The following FHIT variants were observed in gnomAD, a reference collection of about 807,000 sequenced individuals.
The protein encoded by FHIT is bis(5'-adenosyl)-triphosphatase.
Under a neutral mutation model 17.9 loss-of-function variants are expected in FHIT, and 19 were observed. The ratio of observed to expected loss-of-function variants is 1.06; its 90% confidence interval spans 0.74 to 1.56. The LOEUF (loss-of-function observed/expected upper bound fraction) is 1.56, where lower values mean the gene tolerates loss of function less well. Ranked by LOEUF, FHIT falls within the 40% of genes most tolerant of loss-of-function variation. The probability of loss-of-function intolerance (pLI) is 0.00; values close to 1 mark genes in which losing one functional copy is unlikely to be tolerated. For missense variants in FHIT, 248 were observed against 189.2 expected, an observed-to-expected ratio of 1.31 and a Z score of -1.82; for synonymous variants, 81 against 69.7, an observed-to-expected ratio of 1.16 and a Z score of -0.81.
intron 4 of FHIT, among the ~76,000 whole-genome samples, chr3:60,711,380 A>G (rs1405629745): frequency 6.6e-6 from 1 of 152,232 alleles, no homozygotes; most frequent in Non-Finnish European, 1.5e-5. Context: ...CTCCTCCTCC[A>G]AAGGAACGCA....
chr3:59,952,231 T>G (rs1273231939), intron 7 of FHIT, among the ~76,000 whole-genome samples: 1 of 152,206 alleles, frequency 6.6e-6, no homozygotes, highest in Non-Finnish European at 1.5e-5. Context: ...AAATCTGACA[T>G]TATGTAACAC....
chr3:61,213,769 G>C lies in FHIT; in HGVS notation c.-212-13104C>G, dbSNP rs532115207. ...ACATAGTTGGAAGTAAAGCTCTCCT[G>C]AGCAAATGTAAAAGAACAGAAATTA... On this transcript the variant is annotated intron_variant, in intron 1 of 9. Transcript: ENST00000492590. 9.4e-3 allele frequency among the ~76,000 whole-genome samples: 1,425 copies of C among 152,092 alleles called. 14 individuals carry two copies. Among genetic ancestry groups the C allele is most frequent in the Admixed American group, 0.014 (210 of 15,262 alleles).
intron 4 of FHIT, among the ~76,000 whole-genome samples, chr3:60,549,263 A>G (rs911355254): frequency 2.0e-5 from 3 of 152,162 alleles, no homozygotes; most frequent in Non-Finnish European, 4.4e-5. Flanking sequence ...GGTGACTACT[A>G]TCTCTCCATA....
At chr3:60,281,415 C>T (rs542178232) in intron 5 of FHIT, among the ~76,000 whole-genome samples, 19 of 152,054 alleles carry the variant, frequency 1.2e-4, no homozygotes, top group Non-Finnish European at 2.6e-4. Flanking sequence ...AGGAGTGATA[C>T]TACTCAACTT....
chr3:60,852,186 T>G (rs1317710620), intron 3 of FHIT, among the ~76,000 whole-genome samples: 1 of 152,142 alleles, frequency 6.6e-6, no homozygotes, highest in African/African-American at 2.4e-5. Context: ...CCTGATAGTC[T>G]TCAGCTGGGA....
intron 2 of FHIT, among the ~76,000 whole-genome samples, chr3:61,090,451 T>C (rs1221652537): frequency 1.3e-5 from 2 of 152,228 alleles, no homozygotes; most frequent in Non-Finnish European, 2.9e-5. Flanking sequence ...TGAAATGATA[T>C]AGAATTTGAA....
At chr3:60,445,484 A>G (rs541650921) in intron 5 of FHIT, among the ~76,000 whole-genome samples, 55 of 152,170 alleles carry the variant, frequency 3.6e-4, no homozygotes, top group Non-Finnish European at 6.3e-4. Flanking sequence ...AGAAGAAGAA[A>G]AAAAAAAGAA....
intron 4 of FHIT, among the ~76,000 whole-genome samples, chr3:60,780,330 T>G (rs1479342963): frequency 1.3e-5 from 2 of 152,130 alleles, no homozygotes; most frequent in African/African-American, 4.8e-5. Context: ...TAGAAAGAGT[T>G]GGTTTCCCAA....
chr3:60,295,426 G>T (rs1038658717), intron 5 of FHIT, among the ~76,000 whole-genome samples: 1 of 152,102 alleles, frequency 6.6e-6, no homozygotes, highest in Admixed American at 6.6e-5. Context: ...AGGGGAGCCA[G>T]CATGTAGAGA....
chr3:60,893,133 C>T (rs1303077739), intron 3 of FHIT, among the ~76,000 whole-genome samples: 1 of 152,108 alleles, frequency 6.6e-6, no homozygotes, highest in African/African-American at 2.4e-5. Context: ...TGAGAGGTCC[C>T]TCCCTAAACC....
At chr3:60,575,401 A>T (rs2107670610) in intron 4 of FHIT, among the ~76,000 whole-genome samples, 1 of 152,302 alleles carries the variant, frequency 6.6e-6, no homozygotes, top group Admixed American at 6.5e-5. Flanking sequence ...TCTAAACATT[A>T]GAGATGGGTA....
rs114293963 is a variant in FHIT, at chr3:60,919,149, A to C, written c.-110-97138T>G. Among the ~76,000 whole-genome samples, 737 of 152,280 alleles carry C rather than the reference A, an allele frequency of 4.8e-3. 5 individuals carry two copies. The highest frequency in any genetic ancestry group is 0.017 in the African/African-American group (687 of 41,556). ...TTGTCAAGATGATGCAGGGGGCCTC[A>C]TGTCAGGCTAAGGATTCTGGAAAAT... On this transcript the variant is annotated intron_variant, in intron 3 of 9. Transcript: ENST00000492590.
At chr3:60,732,770 T>C (rs1273987177) in intron 4 of FHIT, 1 of 252,992 alleles carries the variant, frequency 4.0e-6, no homozygotes, top group South Asian at 4.6e-5. Flanking sequence ...CACTGCAATC[T>C]CCACCTTCCG....
chr3:60,180,475 C>T (rs190853135), intron 5 of FHIT, among the ~76,000 whole-genome samples: 45 of 152,284 alleles, frequency 3.0e-4, no homozygotes, highest in African/African-American at 9.9e-4. Flanking sequence ...AAGGAATTTT[C>T]ATGGAGACAA....
At chr3:60,138,874 C>G (rs1699922120) in intron 5 of FHIT, among the ~76,000 whole-genome samples, 1 of 152,082 alleles carries the variant, frequency 6.6e-6, no homozygotes. Context: ...GAATTATGAA[C>G]ATGGATCAGA....
chr3:60,546,477 T>A (rs1306504532), intron 4 of FHIT, among the ~76,000 whole-genome samples: 1 of 152,218 alleles, frequency 6.6e-6, no homozygotes, highest in Non-Finnish European at 1.5e-5. Flanking sequence ...TTATGCTGAA[T>A]TGATATTGTT....
chr3:61,048,388 C>T (rs1483771614), intron 2 of FHIT, among the ~76,000 whole-genome samples: 4 of 152,314 alleles, frequency 2.6e-5, no homozygotes, highest in African/African-American at 7.2e-5. Context: ...TGCTCATCAT[C>T]ACTGGCCATC....
intron 5 of FHIT, among the ~76,000 whole-genome samples, chr3:60,180,811 C>T (rs926341448): frequency 4.6e-5 from 7 of 152,070 alleles, no homozygotes; most frequent in Non-Finnish European, 8.8e-5. Flanking sequence ...ACAGAATTTT[C>T]ACCATCTCTA....
intron 5 of FHIT, among the ~76,000 whole-genome samples, chr3:60,252,796 C>G (rs1033926116): frequency 3.3e-5 from 5 of 151,730 alleles, no homozygotes; most frequent in African/African-American, 4.8e-5. Flanking sequence ...CGAGACCATC[C>G]TGGCTAACAA....
Sources: gnomAD v4.1 joint callset for allele counts (sites outside exome capture counted in the v4.1 genomes callset) on GRCh38, gnomAD v4.1.1 for gene constraint, MANE v1.5 for transcripts, NCBI Gene and HGNC (gene_info 2026-07-23, HGNC 2026-07-21) for gene names.